TENM2: variants seen among roughly 807,000 people sequenced by gnomAD.
TENM2 encodes the protein teneurin-2.
In TENM2, 52 loss-of-function variants were observed where a neutral mutation model predicts 245.2. The ratio of observed to expected loss-of-function variants is 0.21; its 90% CI spans 0.17 to 0.27. The LOEUF (loss-of-function observed/expected upper bound fraction) is 0.27, where lower values mean the gene tolerates loss of function less well. Among genes scored for constraint, TENM2 ranks in the 10% least tolerant of loss-of-function variants. The pLI is 1.00. For missense variants in TENM2, 3,046 were observed against 3,666.8 expected, an observed-to-expected ratio of 0.83 and a Z score of 4.37; for synonymous variants, 1,363 against 1,438.9, an observed-to-expected ratio of 0.95 and a Z score of 1.19.
At chr5:167,305,688 T>C (rs1376076807) in intron 1 of TENM2, among the ~76,000 whole-genome samples, 1 of 152,244 alleles carries the variant, frequency 6.6e-6, no homozygotes, top group Non-Finnish European at 1.5e-5. Context: ...CAGCATTCTA[T>C]GGCAGGGATT....
intron 2 of TENM2, among the ~76,000 whole-genome samples, chr5:167,724,515 A>G (rs1759854223): frequency 6.6e-6 from 1 of 151,780 alleles, no homozygotes; most frequent in African/African-American, 2.4e-5. Flanking sequence ...CTTTCATTCT[A>G]TTGGGTGGAG....
intron 1 of TENM2, among the ~76,000 whole-genome samples, chr5:167,355,403 A>G (rs562171120): frequency 8.9e-4 from 136 of 152,336 alleles, no homozygotes; most frequent in African/African-American, 3.2e-3. Flanking sequence ...CGCACAAGAG[A>G]AAGTGATTTG....
At chr5:167,544,335 C>T (rs1226747730) in intron 2 of TENM2, among the ~76,000 whole-genome samples, 1 of 152,134 alleles carries the variant, frequency 6.6e-6, no homozygotes, top group East Asian at 1.9e-4. Context: ...ATGGTATCTT[C>T]CTGAGCTCTG....
intron 6 of TENM2, among the ~76,000 whole-genome samples, chr5:168,056,974 A>G (rs568389767): frequency 2.0e-5 from 3 of 152,224 alleles, no homozygotes; most frequent in Admixed American, 1.3e-4. Context: ...TACTCACACC[A>G]CTATGAAATT....
At chr5:167,219,628 G>A in the TENM2 span, among the ~76,000 whole-genome samples, 2 of 152,250 alleles carry the variant, frequency 1.3e-5, no homozygotes, top group African/African-American at 4.8e-5. Context: ...AGCCTCTTTA[G>A]AGACAATTAA....
chr5:167,156,650 C>A, the TENM2 span, among the ~76,000 whole-genome samples: 1 of 152,132 alleles, frequency 6.6e-6, no homozygotes, highest in African/African-American at 2.4e-5. Flanking sequence ...GATAGAAAAG[C>A]ATAGTAGGTA....
chr5:167,510,810 T>C (rs1417635734), intron 2 of TENM2, among the ~76,000 whole-genome samples: 1 of 152,214 alleles, frequency 6.6e-6, no homozygotes, highest in Non-Finnish European at 1.5e-5. Flanking sequence ...ATTGCAATAC[T>C]TCTGATGTTT....
chr5:167,814,003 C>T (rs746825666), intron 2 of TENM2, among the ~76,000 whole-genome samples: 2 of 152,118 alleles, frequency 1.3e-5, no homozygotes, highest in Non-Finnish European at 2.9e-5. Context: ...TTCTCATCGT[C>T]CACCTTTCTT....
chr5:168,061,360 G>T (rs981289836), intron 6 of TENM2, among the ~76,000 whole-genome samples: 1 of 152,160 alleles, frequency 6.6e-6, no homozygotes, highest in Non-Finnish European at 1.5e-5. Context: ...AGGGGGTGCT[G>T]ACTGGTTCAT....
intron 27 of TENM2, among the ~76,000 whole-genome samples, chr5:168,250,818 G>A (rs531928934): frequency 8.1e-4 from 123 of 152,144 alleles, no homozygotes; most frequent in African/African-American, 2.8e-3. Flanking sequence ...TTTTATCCCC[G>A]AAATCACTGC....
the TENM2 span, among the ~76,000 whole-genome samples, chr5:167,101,235 T>A: frequency 2.0e-5 from 3 of 152,216 alleles, no homozygotes; most frequent in Non-Finnish European, 4.4e-5. Flanking sequence ...GTTTGGTATA[T>A]GGAAACAGTA....
intron 2 of TENM2, among the ~76,000 whole-genome samples, chr5:167,777,089 G>T (rs1055950130): frequency 2.0e-5 from 3 of 152,178 alleles, no homozygotes; most frequent in Admixed American, 6.5e-5. Flanking sequence ...GAGTAGAAGG[G>T]GGAGGGTTAT....
chr5:167,478,148 GAAAC>G (rs1767516481), intron 2 of TENM2, among the ~76,000 whole-genome samples: 1 of 152,184 alleles, frequency 6.6e-6, no homozygotes, highest in African/African-American at 2.4e-5. Context: ...TTGAAGGACT[GAAAC>G]AAACAAGGCT....
At chr5:167,609,369 G>A (rs1332852287) in intron 2 of TENM2, among the ~76,000 whole-genome samples, 1 of 151,808 alleles carries the variant, frequency 6.6e-6, no homozygotes, top group African/African-American at 2.4e-5. Flanking sequence ...AATGTGGCCT[G>A]TGTGGGCCAC....
chr5:167,417,308 C>T (rs1763220842), intron 2 of TENM2, among the ~76,000 whole-genome samples: 1 of 152,164 alleles, frequency 6.6e-6, no homozygotes, highest in African/African-American at 2.4e-5. Context: ...ACAGTCCATC[C>T]CTGGCCCCTG....
the TENM2 span, among the ~76,000 whole-genome samples, chr5:167,206,973 A>G: frequency 6.6e-6 from 1 of 152,202 alleles, no homozygotes; most frequent in African/African-American, 2.4e-5. Flanking sequence ...ATTTAAAATA[A>G]GACAATTTCT....
Position 167,511,224 on chromosome 5 carries a change from C to T in TENM2, c.502+135751C>T, listed in dbSNP as rs10214030. 7.6e-3 allele frequency among the ~76,000 whole-genome samples: 1,155 copies of T among 152,122 alleles called. 22 individuals carry two copies. Among genetic ancestry groups the T allele is most frequent in the African/African-American group, 0.027 (1,106 of 41,512 alleles). On this transcript the variant is annotated intron_variant, in intron 2 of 28. Coordinates refer to ENST00000518659, the Ensembl canonical transcript of TENM2. ...GCACAAAGACGACATTGATTGTCCT[C>T]CAAGGAGGACAGATAAAAGACTGGG...
chr5:167,110,166 C>T, the TENM2 span, among the ~76,000 whole-genome samples: 1 of 152,154 alleles, frequency 6.6e-6, no homozygotes, highest in African/African-American at 2.4e-5. Context: ...TTGGCTAATC[C>T]TTTTTATGTC....
At chr5:167,605,603 A>G (rs1356946635) in intron 2 of TENM2, among the ~76,000 whole-genome samples, 1 of 152,218 alleles carries the variant, frequency 6.6e-6, no homozygotes, top group Non-Finnish European at 1.5e-5. Flanking sequence ...TATTTTCATC[A>G]GGTAGAGTAG....
Sources: allele counts gnomAD v4.1 joint callset (sites outside exome capture counted in the v4.1 genomes callset), GRCh38; gene constraint gnomAD v4.1.1; transcripts MANE v1.5; gene names NCBI Gene and HGNC (gene_info 2026-07-23, HGNC 2026-07-21).